The following AMOTL2 variants were observed in gnomAD, a reference collection of about 807,000 sequenced individuals.
AMOTL2 encodes the protein angiomotin-like protein 2.
In AMOTL2, 33 loss-of-function variants were observed where a neutral mutation model predicts 78.4. The observed-to-expected ratio is 0.42, with a 90% CI of 0.32 to 0.56. The LOEUF is 0.56. AMOTL2 is among the 20% of genes least tolerant of loss of function. The pLI is 0.12. For missense variants in AMOTL2, 983 were observed against 1,030.1 expected (o/e 0.95, Z 0.63); for synonymous variants, 422 against 428.8 (o/e 0.98, Z 0.20).
intron 7 of AMOTL2, 23 bp downstream of exon 7, chr3:134,360,083 G>C: frequency 3.1e-6 from 5 of 1,593,338 alleles, no homozygotes; most frequent in Non-Finnish European, 4.3e-6. Flanking sequence ...CCAACCTCAG[G>C]TGCCTGGCCT....
chr3:134,375,329 A>G (rs1199945901), upstream of AMOTL2: 6 of 1,225,594 alleles, frequency 4.9e-6, no homozygotes, highest in Admixed American at 2.0e-5. Flanking sequence ...GCACCCTCCA[A>G]CGGAGTTCTG....
In AMOTL2 at chr3:134,358,523, G is replaced by C; in HGVS notation, c.2284+17C>G. The C allele has an allele frequency of 6.2e-7, 1 of 1,607,140 alleles. No individual in the cohort carries two copies. Among genetic ancestry groups the C allele is most frequent in the Non-Finnish European group, 8.5e-7 (1 of 1,176,310 alleles). On this transcript the variant is annotated intron_variant, in intron 9 of 9. Coordinates refer to ENST00000249883, the MANE Select transcript of AMOTL2 (RefSeq NM_016201.4). Reference sequence around the variant, plus strand: ...CTCGGCCCTACCTAGCACAGAAGTGGGGTCAGGAGGACTTACCCAGAGAGG... The same window carrying C: ...CTCGGCCCTACCTAGCACAGAAGTGCGGTCAGGAGGACTTACCCAGAGAGG...
chr3:134,360,067 A>C (rs773202954), intron 7 of AMOTL2, 39 bp downstream of exon 7: 71 of 1,573,976 alleles, frequency 4.5e-5, no homozygotes, highest in East Asian at 2.3e-5. Flanking sequence ...ATTGCCACCC[A>C]CCCCCCCAAC....
In AMOTL2 at chr3:134,360,553, A is replaced by G. The variant is rs896135730; in HGVS notation, c.1576-140T>C. 65 of 758,540 alleles carry G rather than the reference A, an allele frequency of 8.6e-5. 1 individual carries two copies. The highest frequency in any genetic ancestry group is 3.8e-4 in the Middle Eastern group (1 of 2,618). The allele number at this position is 758,540 out of a possible 1,614,324, so 47.0% of individuals were successfully genotyped here. A position where few individuals can be genotyped will look rare whatever the true frequency, so the allele number is the denominator to read the frequency against. On this transcript the variant is annotated intron_variant, in intron 6 of 9. Coordinates refer to ENST00000249883, the MANE Select transcript of AMOTL2 (RefSeq NM_016201.4). ...GCATACATTTCCCCATCCTTCCTCT[A>G]CCGAAATGGGGATACAGCACAGGTC...
Position 134,359,442 on chromosome 3 carries a change from G to C in AMOTL2, c.1945C>G (p.Arg649Gly), listed in dbSNP as rs140029062. The change falls in exon 8 of 10, where the codon CGC becomes GGC. Residue 649 changes from arginine (R) to glycine (G), a missense_variant. Coordinates refer to ENST00000249883, the MANE Select transcript of AMOTL2 (RefSeq NM_016201.4). ...GCCTTGCCAGGGTCTCTCCTGGAGCGCTGCTGAAGGACCTTGATCACTGCA... is the reference window on the plus strand; with the variant it reads ...GCCTTGCCAGGGTCTCTCCTGGAGCCCTGCTGAAGGACCTTGATCACTGCA... ...KDAVIKVLQQ[R>G]SRRDPGKAIQ... The C allele has an allele frequency of 6.2e-7, 1 of 1,614,158 alleles. No homozygotes were observed. Among genetic ancestry groups the C allele is most frequent in the Non-Finnish European group, 8.5e-7 (1 of 1,180,018 alleles).
At chr3:134,360,067 AC>A (rs147176018) in intron 7 of AMOTL2, 38 bp downstream of exon 7, 57 of 1,573,952 alleles carry the variant, frequency 3.6e-5, no homozygotes, top group African/African-American at 9.4e-5. Flanking sequence ...ATTGCCACCC[AC>A]CCCCCCAACC....
Position 134,357,606 on chromosome 3 carries a change from G to C in AMOTL2, c.*99C>G. On this transcript the variant is annotated 3_prime_UTR_variant, in exon 10 of 10. Transcript: ENST00000249883. ...GGGAATGAGTGTCTGGCTGGGGAAA[G>C]GGACGGAGCAGCGGTTGACGGGGCT... is the stretch of plus-strand genomic sequence containing the variant. 2 of 1,235,252 alleles carry C rather than the reference G, an allele frequency of 1.6e-6. No individual in the cohort carries two copies. Among genetic ancestry groups the C allele is most frequent in the Non-Finnish European group, 2.4e-6 (2 of 836,888 alleles). 76.5% of individuals were successfully genotyped at this position (1,235,252 alleles called of 1,614,324 possible).
At chr3:134,370,080 C>T (rs2017783991) in intron 2 of AMOTL2, among the ~76,000 whole-genome samples, 1 of 152,226 alleles carries the variant, frequency 6.6e-6, no homozygotes, top group Admixed American at 6.5e-5. Flanking sequence ...AGCAGCCTCT[C>T]CTGAGCCTCA....
chr3:134,372,548 C>CACACACACACACACACACACACAA (rs1268109465), intron 1 of AMOTL2, among the ~76,000 whole-genome samples: 7 of 151,628 alleles, frequency 4.6e-5, no homozygotes, highest in African/African-American at 1.7e-4. Flanking sequence ...CACACACACA[C>CACACACACACACACACACACACAA]ACACACACAA....
At chr3:134,358,879 A>G (rs571745234) in intron 8 of AMOTL2, among the ~76,000 whole-genome samples, 160 bp from the exon 9 acceptor site, 24 of 152,370 alleles carry the variant, frequency 1.6e-4, no homozygotes, top group Admixed American at 5.9e-4. Flanking sequence ...TCAAATGGGA[A>G]TAACTACCAG....
Position 134,355,963 on chromosome 3 carries a change from C to T in AMOTL2, c.*1742G>A, listed in dbSNP as rs1263263888. 1 of 152,640 alleles carries T rather than the reference C, an allele frequency of 6.6e-6. No homozygotes were observed. Among genetic ancestry groups the T allele is most frequent in the Non-Finnish European group, 1.5e-5 (1 of 68,042 alleles). The allele number at this position is 152,640 out of a possible 1,614,324, so 9.5% of individuals were successfully genotyped here. A position where few individuals can be genotyped will look rare whatever the true frequency, so the allele number is the denominator to read the frequency against. On this transcript the variant is annotated 3_prime_UTR_variant, in exon 10 of 10. Transcript: ENST00000249883. ...GGTACAGGGTGGCATAACAAAACAG[C>T]CATGTTTACATTTTAAATATTTACG... is the stretch of plus-strand genomic sequence containing the variant.
intron 1 of AMOTL2, among the ~76,000 whole-genome samples, chr3:134,372,446 CT>C (rs11289170): frequency 0.68 from 103,471 of 151,640 alleles, 36,751 homozygotes; most frequent in East Asian, 0.92. Context: ...GTGGGTCAGT[CT>C]TTTGTGCTGA....
chr3:134,367,788 C>G lies in AMOTL2; in HGVS notation c.750G>C (p.Gln250His). 2 of 1,613,472 alleles carry G rather than the reference C, an allele frequency of 1.2e-6. No homozygotes were observed. Among genetic ancestry groups the G allele is most frequent in the East Asian group, 4.5e-5 (2 of 44,874 alleles). The change falls in exon 3 of 10, where the codon CAG becomes CAC. Residue 250 changes from glutamine (Q) to histidine (H), a missense_variant. By Grantham distance (24) the Gln-to-His change is conservative. Transcript: ENST00000249883. Reference protein sequence around the residue: ...QHAEVRILQAQVPPVFLQQQQ... With the variant: ...QHAEVRILQAHVPPVFLQQQQ... The stretch of plus-strand genomic sequence containing the variant: ...GCTGTTGGAGGAACACAGGAGGCAC[C>G]TGGGCCTGCAGGATCCTGGGGAACA...
At position 134,357,756 on chromosome 3, in the gene AMOTL2, TAC is replaced by T. The variant is rs778583451; in HGVS notation, c.2290_2291del (p.Val764SerfsTer90). ...ACAAGTCCTGGACTCTGGATGTAGCTACAGAGTCTGGAGACAGACAAGAACAC... is the reference window on the plus strand; with the variant it reads ...ACAAGTCCTGGACTCTGGATGTAGCTAGAGTCTGGAGACAGACAAGAACAC... ...SSQRAASLDS[V>X]ATSRVQDLSD... On this transcript the variant is annotated frameshift_variant, in exon 10 of 10. Transcript: ENST00000249883. LOFTEE classifies it high-confidence loss of function. 5.6e-6 allele frequency: 9 copies of T among 1,613,986 alleles called. No homozygotes were observed. The Admixed American group carries it at 1.0e-4, about 18-fold the overall frequency.
At chr3:134,359,206 A>G in intron 8 of AMOTL2, 77 bp downstream of exon 8, 1 of 1,518,184 alleles carries the variant, frequency 6.6e-7, no homozygotes, top group Non-Finnish European at 9.1e-7. Context: ...CAGTTCTGGG[A>G]GGAAAGGTCT....
Position 134,365,401 on chromosome 3 carries a change from C to G in AMOTL2, c.1279+416G>C, listed in dbSNP as rs148895357. On this transcript the variant is annotated intron_variant, in intron 5 of 9. Coordinates refer to ENST00000249883, the MANE Select transcript of AMOTL2 (RefSeq NM_016201.4). The stretch of plus-strand genomic sequence containing the variant: ...TCAGCTCCACCATGCCCCCCTACCT[C>G]TCACATTCCCATTGCACACTCCCGA... Among the ~76,000 whole-genome samples the G allele has an allele frequency of 2.6e-5, 4 of 152,294 alleles. No homozygotes were observed. In the East Asian group the frequency reaches 7.7e-4, roughly 29 times the overall value.
At position 134,371,295 on chromosome 3, in the gene AMOTL2, C is replaced by A; in HGVS notation, c.139G>T (p.Gly47Cys). ...QALRGGAGTG[G>C]TGSPQASLEI... The stretch of plus-strand genomic sequence containing the variant: ...AGGGAGGCCTGGGGGCTCCCTGTAC[C>A]CCCAGTTCCAGCCCCACCCCTCAGG... Residue 47 changes from glycine (G) to cysteine (C), a missense_variant, in exon 2 of 10, where the codon GGT becomes TGT. By Grantham distance (159) the Gly-to-Cys change is radical. Transcript: ENST00000249883. 5 of 1,612,394 alleles carry A rather than the reference C, an allele frequency of 3.1e-6. No individual in the cohort carries two copies. Among genetic ancestry groups the A allele is most frequent in the Non-Finnish European group, 4.2e-6 (5 of 1,180,004 alleles).
upstream of AMOTL2, chr3:134,375,237 T>C (rs2018043184): frequency 6.5e-7 from 1 of 1,535,660 alleles, no homozygotes; most frequent in Non-Finnish European, 8.7e-7. Context: ...TTCCCCAAGG[T>C]GATAATAGGC....
At chr3:134,375,319 G>C (rs543536185), upstream of AMOTL2, 37 of 1,330,256 alleles carry the variant, frequency 2.8e-5, no homozygotes, top group African/African-American at 5.1e-4. Flanking sequence ...GCCCTGCCAA[G>C]CACCCTCCAA....
Sources: allele counts gnomAD v4.1 joint callset (sites outside exome capture counted in the v4.1 genomes callset), GRCh38; gene constraint gnomAD v4.1.1; transcripts MANE v1.5; gene names NCBI Gene and HGNC (gene_info 2026-07-23, HGNC 2026-07-21).